The following STIM1 variants were observed in gnomAD, a reference collection of about 807,000 sequenced individuals.
The protein encoded by STIM1 is stromal interaction molecule 1.
In STIM1, 25 loss-of-function variants were observed where a neutral mutation model predicts 74.7. The observed-to-expected ratio is 0.33, with a 90% CI of 0.24 to 0.47. The LOEUF is 0.47. STIM1 is among the 20% of genes least tolerant of loss of function. STIM1 has a pLI of 1.00. For missense variants in STIM1, 728 were observed against 920.8 expected, an observed-to-expected ratio of 0.79 and a Z score of 2.71; for synonymous variants, 328 against 348.8, an observed-to-expected ratio of 0.94 and a Z score of 0.66.
At chr11:4,032,126 T>A (rs1474174831) in intron 3 of STIM1, among the ~76,000 whole-genome samples, 1 of 152,246 alleles carries the variant, frequency 6.6e-6, no homozygotes, top group Non-Finnish European at 1.5e-5. Flanking sequence ...TTTTTAGAAA[T>A]GCTGTTCTTT....
At chr11:4,066,743 A>G (rs1287339365) in intron 5 of STIM1, among the ~76,000 whole-genome samples, 2 of 152,298 alleles carry the variant, frequency 1.3e-5, no homozygotes, top group African/African-American at 4.8e-5. Flanking sequence ...GAGATAACCT[A>G]TGTTTACCTG....
chr11:4,013,557 AT>A (rs1370260729), intron 2 of STIM1, among the ~76,000 whole-genome samples: 2 of 151,242 alleles, frequency 1.3e-5, no homozygotes, highest in African/African-American at 4.8e-5. Flanking sequence ...TGTTTATAGT[AT>A]TCTCTGATGG....
intron 2 of STIM1, among the ~76,000 whole-genome samples, chr11:4,013,690 C>CTTTTTGTTTTTT (rs2093864175): frequency 1.9e-5 from 1 of 51,912 alleles, no homozygotes; most frequent in Non-Finnish European, 3.2e-5. Flanking sequence ...TCATTGATTT[C>CTTTTTGTTTTTT]TTTTTTTTTT....
At chr11:3,866,691 T>A (rs768272627) in intron 1 of STIM1, among the ~76,000 whole-genome samples, 2 of 152,018 alleles carry the variant, frequency 1.3e-5, no homozygotes, top group Admixed American at 6.6e-5. Context: ...TCTCAAGATA[T>A]GTCTTTTACA....
chr11:3,989,272 G>T lies in STIM1; in HGVS notation c.270+21590G>T, dbSNP rs1281828620. 7 of 922,278 alleles carry T rather than the reference G, an allele frequency of 7.6e-6. No homozygotes were observed. The Admixed American group carries it at 1.2e-4, about 16-fold the overall frequency. 57.1% of individuals were successfully genotyped at this position (922,278 alleles called of 1,614,324 possible). A position where few individuals can be genotyped will look rare whatever the true frequency, so the allele number is the denominator to read the frequency against. On this transcript the variant is annotated intron_variant, in intron 2 of 12. Coordinates refer to ENST00000526596, the MANE Select transcript of STIM1 (RefSeq NM_001382567.1). ...TTTAGTTTCTTGGTTAGCCACTTCG[G>T]CCTGTTTTCCCTTTGCTCCCCTTTT...
chr11:3,990,580 GATCTGTTCTCTCCACATGCTC>G (rs1254572820), intron 2 of STIM1, among the ~76,000 whole-genome samples: 4 of 152,100 alleles, frequency 2.6e-5, no homozygotes, highest in Non-Finnish European at 5.9e-5. Context: ...GTGTATAAGG[GATCTGTTCTCTCCACATGCTC>G]ATCAACACTT....
Position 3,856,192 on chromosome 11 carries a change from T to C in STIM1, c.-79T>C. ...GGCATCTTGCCTGGAGACCGTCGGC[T>C]GCACTCCCGGGCTCCTGGCTTTGCC... On this transcript the variant is annotated 5_prime_UTR_variant, in exon 1 of 13. Transcript: ENST00000526596. 3.1e-6 allele frequency: 5 copies of C among 1,593,068 alleles called. No individual in the cohort carries two copies. The highest frequency in any genetic ancestry group is 1.7e-4 in the Middle Eastern group (1 of 5,928).
At chr11:3,964,184 G>T (rs2093317770) in intron 1 of STIM1, among the ~76,000 whole-genome samples, 2 of 152,158 alleles carry the variant, frequency 1.3e-5, no homozygotes, top group African/African-American at 4.8e-5. Context: ...CTAAGTCCAG[G>T]CTTTTTCACT....
At chr11:3,978,130 C>A (rs2093466333) in intron 2 of STIM1, among the ~76,000 whole-genome samples, 1 of 151,770 alleles carries the variant, frequency 6.6e-6, no homozygotes, top group African/African-American at 2.4e-5. Context: ...CACCCAGCCT[C>A]CTACATATGC....
At chr11:3,885,557 C>T (rs1235283627) in intron 1 of STIM1, among the ~76,000 whole-genome samples, 1 of 152,130 alleles carries the variant, frequency 6.6e-6, no homozygotes, top group African/African-American at 2.4e-5. Context: ...ATTTTCTTTT[C>T]TGATTGGAAG....
At chr11:4,076,012 T>A (rs1476118383) in intron 7 of STIM1, among the ~76,000 whole-genome samples, 1 of 152,184 alleles carries the variant, frequency 6.6e-6, no homozygotes, top group African/African-American at 2.4e-5. Context: ...GGATTGTCTG[T>A]CTTTTTCTTA....
chr11:4,007,601 C>G (rs991724037), intron 2 of STIM1, among the ~76,000 whole-genome samples: 9 of 152,154 alleles, frequency 5.9e-5, no homozygotes. Context: ...TTCATAGGCA[C>G]TATGGGAGCA....
chr11:3,970,189 T>C (rs1423148222), intron 2 of STIM1, among the ~76,000 whole-genome samples: 1 of 152,122 alleles, frequency 6.6e-6, no homozygotes, highest in Non-Finnish European at 1.5e-5. Flanking sequence ...CACAAACTGT[T>C]CCGAAATAAC....
At chr11:3,883,660 C>T (rs1388847206) in intron 1 of STIM1, among the ~76,000 whole-genome samples, 2 of 152,198 alleles carry the variant, frequency 1.3e-5, no homozygotes, top group Non-Finnish European at 2.9e-5. Context: ...GCCAATGGGA[C>T]AATTTTTTAT....
chr11:3,992,097 T>G (rs1469857505), intron 2 of STIM1, among the ~76,000 whole-genome samples: 49 of 136,992 alleles, frequency 3.6e-4, no homozygotes, highest in South Asian at 6.8e-4. Context: ...TTGTTTTTTT[T>G]TTTTTTTTTT....
rs559915253 is a variant in STIM1, at chr11:4,084,353, T to G, written c.1475-320T>G. On this transcript the variant is annotated intron_variant, in intron 10 of 12. Coordinates refer to ENST00000526596, the MANE Select transcript of STIM1 (RefSeq NM_001382567.1). ...TTACTTTCAGATTCTTTAATCAGGC[T>G]GGATTCCCACTCGAGACAGAATTTA... Among the ~76,000 whole-genome samples the G allele has an allele frequency of 2.0e-5, 3 of 152,384 alleles. No individual in the cohort carries two copies. In the East Asian group the frequency reaches 5.8e-4, roughly 29 times the overall value.
chr11:3,878,716 C>T (rs2091387949), intron 1 of STIM1, among the ~76,000 whole-genome samples: 1 of 152,142 alleles, frequency 6.6e-6, no homozygotes, highest in Admixed American at 6.5e-5. Flanking sequence ...GTCACCATTC[C>T]CTATGACAGT....
At chr11:3,867,004 G>A (rs7932404) in intron 1 of STIM1, 97,947 of 151,924 alleles carry the variant, frequency 0.64, 31,778 homozygotes, top group African/African-American at 0.71. Context: ...TATGTGCCCA[G>A]TAGATATTTG....
chr11:3,892,736 G>T, intron 1 of STIM1: 4 of 1,613,192 alleles, frequency 2.5e-6, no homozygotes, highest in Non-Finnish European at 3.4e-6. Flanking sequence ...GTGAAAGCAG[G>T]AACCCTTATA....
Sources: allele counts gnomAD v4.1 joint callset (sites outside exome capture counted in the v4.1 genomes callset), GRCh38; gene constraint gnomAD v4.1.1; transcripts MANE v1.5; gene names NCBI Gene and HGNC (gene_info 2026-07-23, HGNC 2026-07-21).